Variants in TRPC4 observed in about 807,000 individuals in gnomAD.
TRPC4 encodes the protein short transient receptor potential channel 4.
A neutral mutation model predicts 99.4 loss-of-function variants in TRPC4; 49 were observed. That is an observed-to-expected ratio of 0.49 (90% CI 0.39 to 0.63). The LOEUF is 0.63. Among genes scored for constraint, TRPC4 ranks in the 20% least tolerant of loss-of-function variants. The probability of loss-of-function intolerance (pLI) is 0.00; values close to 1 mark genes in which losing one functional copy is unlikely to be tolerated. For missense variants in TRPC4, 898 were observed against 1,152.9 expected, an observed-to-expected ratio of 0.78 and a Z score of 3.20; for synonymous variants, 454 against 425.9, an observed-to-expected ratio of 1.07 and a Z score of -0.81.
intron 3 of TRPC4, among the ~76,000 whole-genome samples, chr13:37,724,322 T>A (rs9548036): frequency 0.32 from 47,889 of 151,948 alleles, 8,890 homozygotes; most frequent in East Asian, 0.76. Flanking sequence ...TTTGGAGATG[T>A]ACACAGGAAA....
intron 1 of TRPC4, among the ~76,000 whole-genome samples, chr13:37,865,833 CAT>C (rs1959707633): frequency 6.6e-6 from 1 of 151,734 alleles, no homozygotes; most frequent in Non-Finnish European, 1.5e-5. Context: ...TTGTGATTTT[CAT>C]AAATTTCATC....
chr13:37,824,363 G>A (rs1179336717), intron 1 of TRPC4, among the ~76,000 whole-genome samples: 22 of 149,362 alleles, frequency 1.5e-4, no homozygotes, highest in Admixed American at 9.4e-4. Flanking sequence ...TTTTCAAAGG[G>A]AATGCTTCCA....
rs1593493399 is a variant in TRPC4, at chr13:37,678,393, A to T, written c.1235-4026T>A. ...CCAGAATGATTAACAAAAAAAGATG[A>T]TATAAATAATCAATATCAGAAATTA... On this transcript the variant is annotated intron_variant, in intron 4 of 10. Coordinates refer to ENST00000379705, the MANE Select transcript of TRPC4 (RefSeq NM_016179.4). Among the ~76,000 whole-genome samples the T allele has an allele frequency of 2.0e-5, 3 of 152,170 alleles. No homozygotes were observed. In the South Asian group the frequency reaches 6.2e-4, roughly 31 times the overall value.
rs762033326 is a variant in TRPC4, at chr13:37,637,471, T to C, written c.2366A>G (p.Asp789Gly). 3 of 1,613,816 alleles carry C rather than the reference T, an allele frequency of 1.9e-6. No homozygotes were observed. The highest frequency in any genetic ancestry group is 2.5e-6 in the Non-Finnish European group (3 of 1,179,810). ...EKSDSEGNSK[D>G]KKKNFSLFDL... ...AAAAAGGCTGAAATTCTTTTTCTTG[T>C]CCTTGCTATTACCTTCGCTATCACT... Residue 789 changes from aspartate (D) to glycine (G), a missense_variant, in exon 11 of 11, where the codon GAC becomes GGC. By Grantham distance (94) the Asp-to-Gly change is moderately conservative (BLOSUM62 -1). Transcript: ENST00000379705.
intron 3 of TRPC4, among the ~76,000 whole-genome samples, chr13:37,695,294 A>C (rs1047027520): frequency 6.6e-6 from 1 of 150,718 alleles, no homozygotes; most frequent in Non-Finnish European, 1.5e-5. Flanking sequence ...GCTCAGCTTT[A>C]CTCCAACTCC....
At chr13:37,763,766 A>G (rs1956286190) in intron 2 of TRPC4, among the ~76,000 whole-genome samples, 1 of 151,746 alleles carries the variant, frequency 6.6e-6, no homozygotes, top group Non-Finnish European at 1.5e-5. Context: ...CAGGGAAGTA[A>G]CATCACAAAG....
chr13:37,787,567 C>T lies in TRPC4; in HGVS notation c.-27-4207G>A, dbSNP rs1271381928. Among the ~76,000 whole-genome samples, 4 of 152,068 alleles carry T rather than the reference C, an allele frequency of 2.6e-5. No individual in the cohort carries two copies. The East Asian group carries it at 7.7e-4, about 29-fold the overall frequency. ...AACAATACATACGTTTCAGTAGCTG[C>T]AAGTGTTACATAAAAAATATTGCAT... On this transcript the variant is annotated intron_variant, in intron 1 of 10. Coordinates refer to ENST00000379705, the MANE Select transcript of TRPC4 (RefSeq NM_016179.4).
chr13:37,793,810 T>C (rs555741047), intron 1 of TRPC4, among the ~76,000 whole-genome samples: 1 of 152,140 alleles, frequency 6.6e-6, no homozygotes, highest in African/African-American at 2.4e-5. Context: ...ATTGGAAATA[T>C]GCGTATCACT....
intron 1 of TRPC4, among the ~76,000 whole-genome samples, chr13:37,819,966 T>C (rs547817322): frequency 6.6e-5 from 10 of 150,836 alleles, no homozygotes; most frequent in African/African-American, 2.2e-4. Context: ...CCAAAGGAAA[T>C]TGAGATGTAA....
intron 3 of TRPC4, among the ~76,000 whole-genome samples, chr13:37,729,232 C>T (rs1955165408): frequency 1.3e-5 from 2 of 151,968 alleles, no homozygotes; most frequent in Non-Finnish European, 2.9e-5. Flanking sequence ...CAAAGAGGCT[C>T]GACATCATTG....
At chr13:37,639,744 C>CTCATATAT (rs143110963) in intron 8 of TRPC4, among the ~76,000 whole-genome samples, 1 of 146,804 alleles carries the variant, frequency 6.8e-6, no homozygotes, top group East Asian at 2.0e-4. Flanking sequence ...ACTCTCCAAT[C>CTCATATAT]ATATATATAT....
At position 37,674,223 on chromosome 13, in the gene TRPC4, G is replaced by A. The variant is rs762037678; in HGVS notation, c.1374+5C>T. On this transcript the variant is annotated splice_donor_5th_base_variant and intron_variant, in intron 5 of 10. Transcript: ENST00000379705. ...TGCTTTACCAACAACATAAATAATA[G>A]TTACCTTTACAAATGCAACAATTTT... 2 of 1,580,068 alleles carry A rather than the reference G, an allele frequency of 1.3e-6. No homozygotes were observed. Among genetic ancestry groups the A allele is most frequent in the Admixed American group, 3.6e-5 (2 of 55,200 alleles).
intron 3 of TRPC4, among the ~76,000 whole-genome samples, chr13:37,693,596 C>A (rs1486765745): frequency 6.6e-6 from 1 of 152,042 alleles, no homozygotes; most frequent in Non-Finnish European, 1.5e-5. Context: ...TTTCTTTTTT[C>A]TGATGGTAAG....
intron 1 of TRPC4, among the ~76,000 whole-genome samples, chr13:37,791,426 C>T (rs966967051): frequency 7.0e-5 from 10 of 143,776 alleles, no homozygotes; most frequent in Admixed American, 2.8e-4. Context: ...AAAGGATAAA[C>T]GAAAAAGTTT....
At chr13:37,823,045 G>T (rs1379424910) in intron 1 of TRPC4, among the ~76,000 whole-genome samples, 2 of 150,554 alleles carry the variant, frequency 1.3e-5, no homozygotes, top group Non-Finnish European at 3.0e-5. Flanking sequence ...TTTTTCATGT[G>T]TTTTTTGGCT....
chr13:37,815,435 C>G (rs1957822178), intron 1 of TRPC4, among the ~76,000 whole-genome samples: 2 of 151,472 alleles, frequency 1.3e-5, no homozygotes, highest in South Asian at 4.2e-4. Context: ...ATCTACCAAA[C>G]AAACAGAAAA....
At chr13:37,687,165 A>C (rs776963295) in intron 4 of TRPC4, among the ~76,000 whole-genome samples, 1 of 151,982 alleles carries the variant, frequency 6.6e-6, no homozygotes, top group Non-Finnish European at 1.5e-5. Context: ...GGGTTTCACT[A>C]TGTTGGCCAG....
intron 8 of TRPC4, among the ~76,000 whole-genome samples, chr13:37,645,272 A>ACTG (rs1431193018): frequency 1.3e-5 from 2 of 152,122 alleles, no homozygotes; most frequent in Non-Finnish European, 2.9e-5. Context: ...CTAGTGAGAA[A>ACTG]CTGCTGCTGC....
intron 7 of TRPC4, 129 bp downstream of exon 7, chr13:37,654,959 T>C: frequency 1.4e-6 from 1 of 714,100 alleles, no homozygotes; most frequent in East Asian, 3.4e-5. Context: ...AATTAACCAT[T>C]TATAATTCTT....
Sources: gnomAD v4.1 joint callset for allele counts (sites outside exome capture counted in the v4.1 genomes callset) on GRCh38, gnomAD v4.1.1 for gene constraint, MANE v1.5 for transcripts, NCBI Gene and HGNC (gene_info 2026-07-23, HGNC 2026-07-21) for gene names.